The following UBE3C variants were observed in gnomAD, a reference collection of about 807,000 sequenced individuals.
UBE3C encodes the protein ubiquitin protein ligase E3C.
A neutral mutation model predicts 129.4 loss-of-function variants in UBE3C; 42 were observed. The ratio of observed to expected loss-of-function variants is 0.32; its 90% confidence interval spans 0.25 to 0.42. The LOEUF (loss-of-function observed/expected upper bound fraction) is 0.42. Among genes scored for constraint, UBE3C ranks in the 10% least tolerant of loss-of-function variants. The pLI is 1.00. For synonymous variants in UBE3C, 510 were observed against 492.4 expected (o/e 1.04, Z -0.47); for missense variants, 1,049 against 1,319.1 (o/e 0.80, Z 3.17).
intron 18 of UBE3C, among the ~76,000 whole-genome samples, chr7:157,245,824 C>T (rs1796457364): frequency 6.6e-6 from 1 of 151,986 alleles, no homozygotes; most frequent in South Asian, 2.1e-4. Flanking sequence ...AACTCCATCT[C>T]TACTAAAAAT....
At chr7:157,175,305 T>C (rs1808489901) in intron 5 of UBE3C, among the ~76,000 whole-genome samples, 1 of 152,130 alleles carries the variant, frequency 6.6e-6, no homozygotes, top group East Asian at 1.9e-4. Context: ...ATGATGGCCA[T>C]CCTGGTTACT....
intron 1 of UBE3C, among the ~76,000 whole-genome samples, chr7:157,142,977 C>G (rs1226616137): frequency 1.3e-5 from 2 of 152,000 alleles, no homozygotes; most frequent in Non-Finnish European, 2.9e-5. Flanking sequence ...AAGCGATTCT[C>G]CTGCCTCAGC....
At position 157,220,755 on chromosome 7, in the gene UBE3C, C is replaced by T; in HGVS notation, c.1981C>T (p.Pro661Ser). ...GTTCCGGCGGATGGGGAGGATAGGC[C>T]CGCTGCAGTCCACCCTGGACGGTGA... is the stretch of plus-strand genomic sequence containing the variant. ...WRFRRMGRIGPLQSTLDVGLE... is the reference protein window; with the variant it reads ...WRFRRMGRIGSLQSTLDVGLE... Residue 661 changes from proline to serine, a missense_variant, in exon 15 of 23, where the codon CCG becomes TCG. This residue lies in a region of UBE3C where 314 missense variants were observed against 416.9 expected (regional missense o/e 0.75). Transcript: ENST00000348165. The T allele has an allele frequency of 6.2e-7, 1 of 1,614,156 alleles. No homozygotes were observed.
At chr7:157,163,231 CA>C in intron 1 of UBE3C, among the ~76,000 whole-genome samples, 2 of 151,704 alleles carry the variant, frequency 1.3e-5, no homozygotes, top group Non-Finnish European at 1.5e-5. Flanking sequence ...TAAAAAAATA[CA>C]AAAAATTAGC....
intron 1 of UBE3C, among the ~76,000 whole-genome samples, chr7:157,142,924 T>C (rs1807496530): frequency 6.6e-6 from 1 of 151,282 alleles, no homozygotes; most frequent in Non-Finnish European, 1.5e-5. Flanking sequence ...TGGAGTGCAA[T>C]GGTGCGATCT....
At chr7:157,264,296 TACAC>T (rs71189993) in intron 22 of UBE3C, among the ~76,000 whole-genome samples, 2,066 of 111,652 alleles carry the variant, frequency 0.019, 27 homozygotes, top group Non-Finnish European at 0.026. Flanking sequence ...CTTGGCCTGT[TACAC>T]ACACACACAC....
chr7:157,219,117 C>T (rs562281429), intron 14 of UBE3C, among the ~76,000 whole-genome samples: 5 of 152,250 alleles, frequency 3.3e-5, no homozygotes, highest in Non-Finnish European at 5.9e-5. Context: ...ATGACCAGGG[C>T]GGTGCCACTC....
intron 18 of UBE3C, among the ~76,000 whole-genome samples, chr7:157,245,962 C>A (rs1018732213): frequency 5.0e-5 from 7 of 138,868 alleles, no homozygotes; most frequent in Admixed American, 4.1e-4. Flanking sequence ...CTGCACACTC[C>A]AGCCCGGGCA....
At chr7:157,234,470 T>G (rs936289492) in intron 18 of UBE3C, among the ~76,000 whole-genome samples, 3 of 152,194 alleles carry the variant, frequency 2.0e-5, no homozygotes, top group African/African-American at 7.2e-5. Context: ...AGCTTTGCAG[T>G]ATGGGGTGTG....
At position 157,182,235 on chromosome 7, in the gene UBE3C, G is replaced by T. The variant is rs1808683702; in HGVS notation, c.898G>T (p.Ala300Ser). The change falls in exon 8 of 23, where the codon GCA becomes TCA. Residue 300 changes from alanine to serine, a missense_variant. Around this residue, in one of 4 missense-constraint regions of UBE3C, gnomAD observed 489 missense variants for 513.8 expected, o/e 0.95. Transcript: ENST00000348165. ...TTTCCCTTACGAGCCCTTTCTGAAT[G>T]CACTGTTGTTAATAGAGAGTAGATG... ...TVFPYEPFLN[A>S]LLLIESRCSR... The T allele has an allele frequency of 6.2e-7, 1 of 1,614,206 alleles. No homozygotes were observed. Among genetic ancestry groups the T allele is most frequent in the Non-Finnish European group, 8.5e-7 (1 of 1,180,032 alleles).
chr7:157,177,051 G>A (rs936447104), intron 5 of UBE3C, among the ~76,000 whole-genome samples: 1 of 152,112 alleles, frequency 6.6e-6, no homozygotes, highest in Non-Finnish European at 1.5e-5. Context: ...CATTTCTGAA[G>A]TCATGGAATC....
intron 17 of UBE3C, among the ~76,000 whole-genome samples, chr7:157,230,851 G>C (rs1220937142): frequency 6.6e-6 from 1 of 152,148 alleles, no homozygotes; most frequent in Non-Finnish European, 1.5e-5. Context: ...GAGAGTTTGT[G>C]GGGGCGGAGG....
intron 18 of UBE3C, among the ~76,000 whole-genome samples, chr7:157,236,805 C>T (rs1796164332): frequency 6.6e-6 from 1 of 151,874 alleles, no homozygotes. Context: ...GATCTTGGCT[C>T]ACTGCAACCT....
intron 14 of UBE3C, among the ~76,000 whole-genome samples, chr7:157,219,337 G>A (rs868694741): frequency 1.3e-5 from 2 of 152,204 alleles, no homozygotes; most frequent in Admixed American, 6.5e-5. Context: ...ATCACCAGCT[G>A]GTAGTACGGT....
intron 18 of UBE3C, among the ~76,000 whole-genome samples, chr7:157,241,505 A>C (rs1050058514): frequency 2.0e-5 from 3 of 152,240 alleles, no homozygotes; most frequent in African/African-American, 7.2e-5. Context: ...GGCAAAGCAT[A>C]GCCACAGGCT....
intron 18 of UBE3C, among the ~76,000 whole-genome samples, chr7:157,241,900 A>T (rs1796339373): frequency 6.6e-6 from 1 of 152,220 alleles, no homozygotes; most frequent in African/African-American, 2.4e-5. Flanking sequence ...CGGTGAGAGC[A>T]GATGCAGAGA....
intron 13 of UBE3C, among the ~76,000 whole-genome samples, chr7:157,212,477 A>G (rs1809622157): frequency 6.6e-6 from 1 of 152,208 alleles, no homozygotes; most frequent in African/African-American, 2.4e-5. Flanking sequence ...GCGTAAGAAT[A>G]TTTCCCCAAG....
At chr7:157,189,961 C>T (rs7798305) in intron 10 of UBE3C, among the ~76,000 whole-genome samples, 15,503 of 152,078 alleles carry the variant, frequency 0.1, 994 homozygotes, top group Non-Finnish European at 0.13. Flanking sequence ...TCACCATGCC[C>T]AGCTAATTTT....
chr7:157,142,574 C>CATTCCA, intron 1 of UBE3C, among the ~76,000 whole-genome samples: 1 of 152,016 alleles, frequency 6.6e-6, no homozygotes, highest in East Asian at 1.9e-4. Context: ...GTTCGTGGAG[C>CATTCCA]GGGGTGTGTG....
Sources: allele counts gnomAD v4.1 joint callset (sites outside exome capture counted in the v4.1 genomes callset), GRCh38; gene constraint gnomAD v4.1.1; regional missense constraint gnomAD v4.1.1; transcripts MANE v1.5; gene names NCBI Gene and HGNC (gene_info 2026-07-23, HGNC 2026-07-21).